NOD2: variants seen among roughly 807,000 people sequenced by gnomAD.
NOD2 encodes the protein nucleotide-binding oligomerization domain-containing protein 2.
In NOD2, 86 loss-of-function variants were observed where a neutral mutation model predicts 90.9. The ratio of observed to expected loss-of-function variants is 0.95; its 90% CI spans 0.79 to 1.13. NOD2 has a LOEUF of 1.13. Ranked by LOEUF, NOD2 falls within the 50% of genes most tolerant of loss-of-function variation. The pLI is 0.00. For synonymous variants in NOD2, 581 were observed against 554.6 expected (o/e 1.05, Z -0.67); for missense variants, 1,238 against 1,283.8 (o/e 0.96, Z 0.55).
chr16:50,695,046 G>A (rs1963581553), intron 1 of NOD2, among the ~76,000 whole-genome samples: 1 of 151,834 alleles, frequency 6.6e-6, no homozygotes, highest in South Asian at 2.1e-4. Flanking sequence ...GGGCTGGGAG[G>A]CTTTGGTTTT....
intron 2 of NOD2, among the ~76,000 whole-genome samples, chr16:50,701,947 T>C (rs557666202): frequency 1.3e-5 from 2 of 152,308 alleles, no homozygotes; most frequent in African/African-American, 4.8e-5. Context: ...TTTATTTGTT[T>C]ATTTATTTAT....
chr16:50,699,345 TG>T, intron 1 of NOD2, 142 bp from the exon 2 acceptor site: 1 of 705,188 alleles, frequency 1.4e-6, no homozygotes, highest in Non-Finnish European at 2.5e-6. Flanking sequence ...ATCTATATGG[TG>T]GGGAGCTTGG....
In NOD2 at chr16:50,714,602, CTGTGTGTGTGTG is replaced by C. The variant is rs67559630; in HGVS notation, c.2382-1955_2382-1944del. Among the ~76,000 whole-genome samples, 28 of 136,014 alleles carry C rather than the reference CTGTGTGTGTGTG, an allele frequency of 2.1e-4. No homozygotes were observed. In the East Asian group the frequency reaches 4.1e-3, roughly 20 times the overall value. The allele number at this position is 136,014 out of a possible 152,430, so 89.2% of individuals were successfully genotyped here. A position where few individuals can be genotyped will look rare whatever the true frequency, so the allele number is the denominator to read the frequency against. On this transcript the variant is annotated intron_variant, in intron 4 of 11. Coordinates refer to ENST00000647318, the MANE Select transcript of NOD2 (RefSeq NM_001370466.1). Reference sequence around the variant, plus strand: ...CAACCATGAGGTTGCTGTGAGTGCACTGTGTGTGTGTGTGTGTGTGTGTGTGTGTGTGTGTGT... The same window carrying C: ...CAACCATGAGGTTGCTGTGAGTGCACTGTGTGTGTGTGTGTGTGTGTGTGT...
rs546861107 is a variant in NOD2, at chr16:50,695,688, G to A, written c.-9+2026G>A. Among the ~76,000 whole-genome samples the A allele has an allele frequency of 9.1e-4, 138 of 152,174 alleles. 1 individual carries two copies. The highest frequency in any genetic ancestry group is 1.7e-3 in the Non-Finnish European group (114 of 67,990). On this transcript the variant is annotated intron_variant, in intron 1 of 11. Coordinates refer to ENST00000647318, the MANE Select transcript of NOD2 (RefSeq NM_001370466.1). ...AACCAGCCAAGAAGACAGAAAGAGT[G>A]AAAATCAGAGAGTTGGGGTGTCCTG...
intron 3 of NOD2, among the ~76,000 whole-genome samples, chr16:50,708,619 C>G (rs1299933291): frequency 1.3e-5 from 2 of 152,224 alleles, no homozygotes; most frequent in Non-Finnish European, 2.9e-5. Context: ...TACACTTTCT[C>G]TTTTCTTGGG....
chr16:50,725,319 G>T (rs1405253706), intron 9 of NOD2, among the ~76,000 whole-genome samples, 170 bp from the exon 10 acceptor site: 1 of 152,006 alleles, frequency 6.6e-6, no homozygotes, highest in African/African-American at 2.4e-5. Context: ...GAATTCTCTT[G>T]CAAATATGTC....
chr16:50,705,886 C>T (rs183104943), intron 2 of NOD2, among the ~76,000 whole-genome samples: 2 of 152,238 alleles, frequency 1.3e-5, no homozygotes, highest in South Asian at 2.1e-4. Flanking sequence ...AAATCTTTGT[C>T]TTGGAAATAC....
chr16:50,699,651 G>C lies in NOD2; in HGVS notation c.156G>C (p.Gln52His). The change falls in exon 2 of 12, where the codon CAG becomes CAC. Residue 52 changes from glutamine (Q) to histidine (H), a missense_variant. By Grantham distance (24) the Gln-to-His change is conservative (BLOSUM62 0). This residue lies in a region of NOD2 where 567 missense variants were observed against 577.3 expected (regional missense o/e 0.98). Transcript: ENST00000647318. The stretch of plus-strand genomic sequence containing the variant: ...ACGAGGGCTTCCACCTCCTGGGCCA[G>C]CCTCTCTCCCACTTGGCCAGGCGCC... ...EDYEGFHLLG[Q>H]PLSHLARRLL... is the part of the protein sequence containing the mutation. The C allele has an allele frequency of 6.2e-7, 1 of 1,614,170 alleles. No homozygotes were observed. The highest frequency in any genetic ancestry group is 8.5e-7 in the Non-Finnish European group (1 of 1,180,030).
chr16:50,695,251 G>A (rs1261889445), intron 1 of NOD2, among the ~76,000 whole-genome samples: 1 of 152,130 alleles, frequency 6.6e-6, no homozygotes, highest in Non-Finnish European at 1.5e-5. Context: ...CCATGGCCCA[G>A]AGGTGGTTAA....
chr16:50,722,144 T>G (rs1308841021), intron 7 of NOD2, among the ~76,000 whole-genome samples: 1 of 152,114 alleles, frequency 6.6e-6, no homozygotes, highest in Non-Finnish European at 1.5e-5. Context: ...CTGGGGGAGT[T>G]GAAGCTGATG....
intron 2 of NOD2, among the ~76,000 whole-genome samples, chr16:50,702,244 T>G (rs1198270403): frequency 6.6e-6 from 1 of 152,210 alleles, no homozygotes; most frequent in Non-Finnish European, 1.5e-5. Context: ...AAGGCTGAAT[T>G]TTAATGAGCT....
At chr16:50,697,234 A>G in intron 1 of NOD2, 6 of 1,554,028 alleles carry the variant, frequency 3.9e-6, no homozygotes, top group Admixed American at 1.9e-5. Context: ...CCCCAGCCTA[A>G]TGGGCTTTGA....
chr16:50,699,403 TG>T (rs1963817051), intron 1 of NOD2, 84 bp from the exon 2 acceptor site: 2 of 1,128,388 alleles, frequency 1.8e-6, no homozygotes, highest in Non-Finnish European at 2.7e-6. Context: ...CGGGTTCTGC[TG>T]GGGCTGACTT....
chr16:50,718,373 G>T (rs75423837), intron 6 of NOD2, among the ~76,000 whole-genome samples: 2 of 152,234 alleles, frequency 1.3e-5, no homozygotes, highest in African/African-American at 2.4e-5. Context: ...GCGTGGATGC[G>T]CTGGACGGGG....
At chr16:50,702,129 CA>C (rs1480663455) in intron 2 of NOD2, among the ~76,000 whole-genome samples, 2 of 151,980 alleles carry the variant, frequency 1.3e-5, no homozygotes, top group Non-Finnish European at 2.9e-5. Context: ...TTTGTAGACA[CA>C]GGGTCTTGCT....
intron 10 of NOD2, among the ~76,000 whole-genome samples, chr16:50,726,534 C>T (rs142152232): frequency 1.3e-5 from 2 of 152,254 alleles, no homozygotes; most frequent in East Asian, 1.9e-4. Context: ...GGGTGAAGCC[C>T]GGATGTGTCT....
Position 50,711,855 on chromosome 16 carries a change from C to G in NOD2, c.1863C>G (p.Cys621Trp), listed in dbSNP as rs78848722. 3 of 1,611,902 alleles carry G rather than the reference C, an allele frequency of 1.9e-6. No homozygotes were observed. In the African/African-American group the frequency reaches 4.0e-5, roughly 22 times the overall value. Residue 621 changes from cysteine (C) to tryptophan (W), a missense_variant, in exon 4 of 12, where the codon TGC becomes TGG. By Grantham distance (215) the Cys-to-Trp change is radical (BLOSUM62 -2). This residue lies in a region of NOD2 where 667 missense variants were observed against 688.7 expected (regional missense o/e 0.97). Coordinates refer to ENST00000647318, the MANE Select transcript of NOD2 (RefSeq NM_001370466.1). ...TGGCCAGGCTCCTGCCCACGATGTG[C>G]ATCCAGGCCTCGGAGGGAAAGGACA... ...SPMARLLPTMCIQASEGKDSS... is the reference protein window; with the variant it reads ...SPMARLLPTMWIQASEGKDSS...
chr16:50,717,381 A>C (rs1596885752), intron 6 of NOD2, among the ~76,000 whole-genome samples: 2 of 152,074 alleles, frequency 1.3e-5, no homozygotes, highest in Admixed American at 1.3e-4. Flanking sequence ...TCCTTTCACC[A>C]CTCAGAGCAT....
chr16:50,703,045 C>A (rs956277687), intron 2 of NOD2, among the ~76,000 whole-genome samples: 3 of 152,180 alleles, frequency 2.0e-5, no homozygotes, highest in African/African-American at 7.2e-5. Flanking sequence ...ATTCCTATAA[C>A]AATATTAACT....
Sources: allele counts gnomAD v4.1 joint callset (sites outside exome capture counted in the v4.1 genomes callset), GRCh38; gene constraint gnomAD v4.1.1; regional missense constraint gnomAD v4.1.1; transcripts MANE v1.5; gene names NCBI Gene and HGNC (gene_info 2026-07-23, HGNC 2026-07-21).